CSMD1: variants seen among roughly 807,000 people sequenced by gnomAD.
CSMD1 encodes the protein CUB and Sushi multiple domains 1, also known as CUB and sushi domain-containing protein 1.
A neutral mutation model predicts 417.5 loss-of-function variants in CSMD1; 213 were observed. The observed-to-expected ratio is 0.51, with a 90% CI of 0.46 to 0.57. The LOEUF (loss-of-function observed/expected upper bound fraction) is 0.57, where lower values mean the gene tolerates loss of function less well. Ranked by LOEUF, CSMD1 falls within the 20% of genes least tolerant of loss-of-function variation. The probability of loss-of-function intolerance (pLI) is 0.00; values close to 1 mark genes in which losing one functional copy is unlikely to be tolerated. For synonymous variants in CSMD1, 2,862 were observed against 1,736.8 expected (o/e 1.65, Z -16.11); for missense variants, 6,923 against 4,529.7 (o/e 1.53, Z -15.17).
chr8:4,189,421 A>G (rs1276837792), intron 3 of CSMD1, among the ~76,000 whole-genome samples: 1 of 152,258 alleles, frequency 6.6e-6, no homozygotes, highest in Non-Finnish European at 1.5e-5. Flanking sequence ...TTATTAGAAA[A>G]TAAGAAAAAA....
At chr8:3,363,063 G>A (rs1386897884) in intron 20 of CSMD1, among the ~76,000 whole-genome samples, 1 of 152,064 alleles carries the variant, frequency 6.6e-6, no homozygotes, top group Non-Finnish European at 1.5e-5. Context: ...TTTCCCCTCG[G>A]TTTCAGGGGT....
At chr8:3,908,819 T>A (rs1347827905) in intron 5 of CSMD1, among the ~76,000 whole-genome samples, 1 of 152,206 alleles carries the variant, frequency 6.6e-6, no homozygotes, top group Admixed American at 6.5e-5. Context: ...AAACAGGATC[T>A]CTATGTGAGG....
intron 12 of CSMD1, among the ~76,000 whole-genome samples, chr8:3,421,565 T>C (rs1476504084): frequency 1.3e-5 from 2 of 152,214 alleles, no homozygotes; most frequent in African/African-American, 2.4e-5. Flanking sequence ...AGATAATATT[T>C]AGCCTGTTTG....
At chr8:3,010,317 G>A (rs924622867) in intron 52 of CSMD1, among the ~76,000 whole-genome samples, 2 of 152,174 alleles carry the variant, frequency 1.3e-5, no homozygotes, top group Non-Finnish European at 2.9e-5. Flanking sequence ...TCGTACCTAT[G>A]CACTTCCCCT....
At chr8:4,516,429 G>T (rs546233025) in intron 2 of CSMD1, among the ~76,000 whole-genome samples, 153 of 152,284 alleles carry the variant, frequency 1.0e-3, no homozygotes, top group African/African-American at 3.0e-3. Context: ...TCCATGGAAG[G>T]CCTCTGCCCC....
At chr8:4,446,442 G>C (rs529788308) in intron 2 of CSMD1, among the ~76,000 whole-genome samples, 11 of 152,098 alleles carry the variant, frequency 7.2e-5, no homozygotes, top group Non-Finnish European at 8.8e-5. Context: ...CCGCTACTCA[G>C]GTGGCTGAGG....
In CSMD1 at chr8:4,917,611, G is replaced by A. The variant is rs577633709; in HGVS notation, c.85+76721C>T. On this transcript the variant is annotated intron_variant, in intron 1 of 69. Transcript: ENST00000635120. ...ATCATGCCACTGCACTCCAGCCTGG[G>A]CGACAGAGCGAGACTCCGTCTCAAA... Among the ~76,000 whole-genome samples the A allele has an allele frequency of 5.3e-5, 8 of 152,146 alleles. No homozygotes were observed. The South Asian group carries it at 1.2e-3, about 24-fold the overall frequency.
chr8:4,661,938 G>A (rs1429751810), intron 1 of CSMD1, among the ~76,000 whole-genome samples: 1 of 152,074 alleles, frequency 6.6e-6, no homozygotes, highest in Non-Finnish European at 1.5e-5. Flanking sequence ...GGATTATATT[G>A]ACAGTTTCTA....
At chr8:4,896,139 TA>T (rs1298780407) in intron 1 of CSMD1, among the ~76,000 whole-genome samples, 1 of 152,124 alleles carries the variant, frequency 6.6e-6, no homozygotes, top group African/African-American at 2.4e-5. Context: ...GTAGCATAAA[TA>T]TTTTTTTAAA....
intron 9 of CSMD1, among the ~76,000 whole-genome samples, chr8:3,584,217 A>T (rs558657020): frequency 6.6e-6 from 1 of 152,356 alleles, no homozygotes; most frequent in African/African-American, 2.4e-5. Context: ...CGAGGGAATC[A>T]TCAGTAAGAA....
intron 10 of CSMD1, among the ~76,000 whole-genome samples, chr8:3,551,597 T>C: frequency 1.1e-5 from 1 of 90,670 alleles, no homozygotes; most frequent in Non-Finnish European, 2.0e-5. Flanking sequence ...TATATATATA[T>C]TTTTTTTTTT....
At chr8:3,048,510 G>A (rs1035169523) in intron 50 of CSMD1, among the ~76,000 whole-genome samples, 3 of 152,108 alleles carry the variant, frequency 2.0e-5, no homozygotes, top group African/African-American at 4.8e-5. Flanking sequence ...AATAAATGGT[G>A]CTGGAAAAAC....
chr8:4,571,647 G>A (rs1039942432), intron 2 of CSMD1, among the ~76,000 whole-genome samples: 1 of 151,778 alleles, frequency 6.6e-6, no homozygotes, highest in Non-Finnish European at 1.5e-5. Context: ...TTCTATAGAT[G>A]TACTAGGTCC....
At chr8:4,414,272 G>C (rs1392128495) in intron 3 of CSMD1, among the ~76,000 whole-genome samples, 1 of 152,186 alleles carries the variant, frequency 6.6e-6, no homozygotes, top group African/African-American at 2.4e-5. Flanking sequence ...TCAGCCAACA[G>C]AGTGACACCC....
chr8:4,754,307 A>T (rs894917119), intron 1 of CSMD1, among the ~76,000 whole-genome samples: 3 of 152,230 alleles, frequency 2.0e-5, no homozygotes, highest in African/African-American at 7.2e-5. Flanking sequence ...CCGGTAGAGA[A>T]AGTAGAATTT....
intron 3 of CSMD1, among the ~76,000 whole-genome samples, chr8:4,247,924 G>C (rs1402902034): frequency 6.6e-6 from 1 of 152,050 alleles, no homozygotes; most frequent in African/African-American, 2.4e-5. Context: ...ATGTGATGTA[G>C]GTACATTAAT....
At chr8:3,104,975 G>C (rs1231592584) in intron 46 of CSMD1, among the ~76,000 whole-genome samples, 1 of 152,088 alleles carries the variant, frequency 6.6e-6, no homozygotes, top group Non-Finnish European at 1.5e-5. Flanking sequence ...CAGAATGCTG[G>C]GATTACAGGC....
chr8:3,932,437 C>T (rs1392369641), intron 5 of CSMD1, among the ~76,000 whole-genome samples: 7 of 150,348 alleles, frequency 4.7e-5, no homozygotes, highest in East Asian at 1.9e-4. Flanking sequence ...ATTTCACTCT[C>T]ATAACCCAGC....
At chr8:3,097,880 C>G (rs1285744801) in intron 46 of CSMD1, among the ~76,000 whole-genome samples, 1 of 152,200 alleles carries the variant, frequency 6.6e-6, no homozygotes, top group Non-Finnish European at 1.5e-5. Flanking sequence ...GACATCTCAG[C>G]AGGAGCCCTG....
Sources: allele counts gnomAD v4.1 joint callset (sites outside exome capture counted in the v4.1 genomes callset), GRCh38; gene constraint gnomAD v4.1.1; transcripts MANE v1.5; gene names NCBI Gene and HGNC (gene_info 2026-07-23, HGNC 2026-07-21).